Variants in NECAB1 observed in about 807,000 individuals in gnomAD.
NECAB1 encodes the protein N-terminal EF-hand calcium binding protein 1.
In NECAB1, 29 loss-of-function variants were observed where a neutral mutation model predicts 57.5. The observed-to-expected ratio is 0.50, with a 90% confidence interval of 0.38 to 0.69. The LOEUF (loss-of-function observed/expected upper bound fraction) is 0.69. Ranked by LOEUF, NECAB1 falls within the 30% of genes least tolerant of loss-of-function variation. The pLI is 0.00. For synonymous variants in NECAB1, 142 were observed against 147.7 expected (o/e 0.96, Z 0.28); for missense variants, 372 against 413.8 (o/e 0.90, Z 0.88).
intron 1 of NECAB1, among the ~76,000 whole-genome samples, chr8:90,800,875 C>A (rs189244183): frequency 6.6e-6 from 1 of 152,132 alleles, no homozygotes; most frequent in East Asian, 1.9e-4. Flanking sequence ...CACTGGAGCA[C>A]CTAGGCCAAG....
At chr8:90,831,531 G>A (rs1156710965) in intron 3 of NECAB1, among the ~76,000 whole-genome samples, 1 of 152,238 alleles carries the variant, frequency 6.6e-6, no homozygotes, top group Non-Finnish European at 1.5e-5. Context: ...AAAATCTGCA[G>A]CTATCTATAA....
chr8:90,906,795 A>G (rs966320998), intron 5 of NECAB1, among the ~76,000 whole-genome samples: 1 of 149,892 alleles, frequency 6.7e-6, no homozygotes, highest in Non-Finnish European at 1.5e-5. Flanking sequence ...AGTAGTCTGT[A>G]TAGTCATCTA....
intron 4 of NECAB1, among the ~76,000 whole-genome samples, chr8:90,872,919 G>C (rs1808645307): frequency 6.6e-6 from 1 of 152,148 alleles, no homozygotes; most frequent in Admixed American, 6.5e-5. Flanking sequence ...AGTTTTGTCT[G>C]AGAACTCCTC....
At chr8:90,954,879 A>G (rs1378096986) in intron 12 of NECAB1, among the ~76,000 whole-genome samples, 2 of 147,988 alleles carry the variant, frequency 1.4e-5, no homozygotes, top group African/African-American at 4.9e-5. Flanking sequence ...GCATATATGT[A>G]TATTATGTGT....
At chr8:90,878,479 G>C (rs1402028726) in intron 4 of NECAB1, among the ~76,000 whole-genome samples, 3 of 152,080 alleles carry the variant, frequency 2.0e-5, no homozygotes, top group Non-Finnish European at 4.4e-5. Flanking sequence ...CCCTTGCCTT[G>C]ACTGCCTGAC....
intron 3 of NECAB1, among the ~76,000 whole-genome samples, chr8:90,831,234 G>T (rs1812294451): frequency 6.6e-6 from 1 of 152,074 alleles, no homozygotes; most frequent in African/African-American, 2.4e-5. Context: ...TCCTGGTTTT[G>T]AATTATGATA....
intron 3 of NECAB1, among the ~76,000 whole-genome samples, chr8:90,865,082 AT>A (rs1808488569): frequency 6.6e-6 from 1 of 152,282 alleles, no homozygotes; most frequent in Middle Eastern, 3.4e-3. Context: ...TTATAGAAGA[AT>A]GGAAGAAGGG....
At chr8:90,806,459 TCAAA>T (rs370296218) in intron 2 of NECAB1, 10 of 152,338 alleles carry the variant, frequency 6.6e-5, no homozygotes, top group African/African-American at 1.7e-4. Flanking sequence ...TATAATTTAA[TCAAA>T]CAAAGCACTG....
At chr8:90,915,604 G>C (rs1809930647) in intron 5 of NECAB1, among the ~76,000 whole-genome samples, 3 of 152,124 alleles carry the variant, frequency 2.0e-5, no homozygotes. Context: ...AGAAATAATA[G>C]GATAGATGTT....
intron 1 of NECAB1, among the ~76,000 whole-genome samples, chr8:90,799,692 GT>G (rs1212644512): frequency 6.6e-6 from 1 of 152,136 alleles, no homozygotes; most frequent in African/African-American, 2.4e-5. Flanking sequence ...GTACCATGCT[GT>G]TTTGTCTACT....
chr8:90,849,861 G>A (rs990605485), intron 3 of NECAB1, among the ~76,000 whole-genome samples: 2 of 151,790 alleles, frequency 1.3e-5, no homozygotes, highest in African/African-American at 4.8e-5. Context: ...TTAACAAAAC[G>A]GCCATAGTGG....
rs1423633657 is a variant in NECAB1, at chr8:90,837,543, C to A, written c.233+12718C>A. 2.6e-4 allele frequency among the ~76,000 whole-genome samples: 39 copies of A among 152,092 alleles called. 1 individual carries two copies. The highest frequency in any genetic ancestry group is 2.5e-3 in the Admixed American group (38 of 15,258). Reference sequence around the variant, plus strand: ...AATATTTTTGGACCACAGTTGACTGCAAGTAACTGAAACTACGAAAAGTGA... The same window carrying A: ...AATATTTTTGGACCACAGTTGACTGAAAGTAACTGAAACTACGAAAAGTGA... On this transcript the variant is annotated intron_variant, in intron 3 of 12. Transcript: ENST00000417640.
intron 3 of NECAB1, among the ~76,000 whole-genome samples, chr8:90,844,154 G>A (rs780131842): frequency 4.6e-5 from 7 of 152,096 alleles, no homozygotes; most frequent in Non-Finnish European, 1.0e-4. Context: ...CCTTGGGGTT[G>A]TATACAAATC....
chr8:90,795,461 G>A (rs182277106), intron 1 of NECAB1, among the ~76,000 whole-genome samples: 265 of 152,122 alleles, frequency 1.7e-3, no homozygotes, highest in African/African-American at 6.0e-3. Flanking sequence ...TCCTTCCTTC[G>A]TCTAAGCATG....
chr8:90,851,830 A>G lies in NECAB1; in HGVS notation c.234-20298A>G, dbSNP rs143566395. Among the ~76,000 whole-genome samples the G allele has an allele frequency of 2.0e-5, 3 of 152,254 alleles. No homozygotes were observed. The East Asian group carries it at 5.8e-4, about 29-fold the overall frequency. On this transcript the variant is annotated intron_variant, in intron 3 of 12. Transcript: ENST00000417640. ...TTAGAGCTTACTCTTCATGTTGTAC[A>G]CTCTATGGGTTTAGACAAATTTATA...
intron 5 of NECAB1, among the ~76,000 whole-genome samples, chr8:90,896,559 C>T (rs1367640204): frequency 2.6e-5 from 4 of 151,740 alleles, no homozygotes; most frequent in Non-Finnish European, 5.9e-5. Flanking sequence ...GAACCGAGAT[C>T]GTGCCACTGC....
chr8:90,946,921 C>T (rs2130260028), intron 10 of NECAB1, among the ~76,000 whole-genome samples: 1 of 152,258 alleles, frequency 6.6e-6, no homozygotes, highest in East Asian at 1.9e-4. Flanking sequence ...GCAAACTGAA[C>T]AGTGGCAGAG....
At position 90,959,022 on chromosome 8, in the gene NECAB1, G is replaced by T; in HGVS notation, c.*3510G>T. ...TCTTAAAATGCTACTTAAAACTTTG[G>T]TTGTTTTCCTGTAATATAAAAGAAA... On this transcript the variant is annotated 3_prime_UTR_variant, in exon 13 of 13. Coordinates refer to ENST00000417640, the MANE Select transcript of NECAB1 (RefSeq NM_022351.5). 1 of 1,393,506 alleles carries T rather than the reference G, an allele frequency of 7.2e-7. No individual in the cohort carries two copies. The highest frequency in any genetic ancestry group is 9.6e-7 in the Non-Finnish European group (1 of 1,044,212). 86.3% of individuals were successfully genotyped at this position (1,393,506 alleles called of 1,614,324 possible).
intron 2 of NECAB1, among the ~76,000 whole-genome samples, chr8:90,802,156 A>G (rs779662003): frequency 1.5e-4 from 23 of 152,194 alleles, no homozygotes; most frequent in Admixed American, 3.9e-4. Context: ...GAGCTTTAAC[A>G]TGGCTTTGGA....
Sources: gnomAD v4.1 joint callset for allele counts (sites outside exome capture counted in the v4.1 genomes callset) on GRCh38, gnomAD v4.1.1 for gene constraint, MANE v1.5 for transcripts, NCBI Gene and HGNC (gene_info 2026-07-23, HGNC 2026-07-21) for gene names.